AGAP1: variants seen among roughly 807,000 people sequenced by gnomAD.
The protein encoded by AGAP1 is arf-GAP with GTPase, ANK repeat and PH domain-containing protein 1.
Under a neutral mutation model 105.3 loss-of-function variants are expected in AGAP1, and 29 were observed. The observed-to-expected ratio is 0.28, with a 90% CI of 0.21 to 0.38. The LOEUF is 0.38. AGAP1 is among the 10% of genes least tolerant of loss of function. AGAP1 has a pLI of 1.00. For missense variants in AGAP1, 998 were observed against 1,165.1 expected, an observed-to-expected ratio of 0.86 and a Z score of 2.09; for synonymous variants, 509 against 485.9, an observed-to-expected ratio of 1.05 and a Z score of -0.63.
intron 1 of AGAP1, among the ~76,000 whole-genome samples, chr2:235,643,897 T>C (rs4663208): frequency 0.74 from 112,517 of 152,096 alleles, 41,902 homozygotes; most frequent in African/African-American, 0.83. Flanking sequence ...TTGGTTCTTC[T>C]GTGTCCTGTG....
chr2:236,099,044 C>T (rs2059269544), intron 16 of AGAP1, among the ~76,000 whole-genome samples: 1 of 151,900 alleles, frequency 6.6e-6, no homozygotes, highest in Non-Finnish European at 1.5e-5. Context: ...ACCTCCCCAG[C>T]GGGGGAGCCA....
chr2:235,796,763 C>T (rs1181543598), intron 6 of AGAP1, among the ~76,000 whole-genome samples: 2 of 152,096 alleles, frequency 1.3e-5, no homozygotes, highest in African/African-American at 2.4e-5. Flanking sequence ...TGGACATCTT[C>T]GAAAATAGCA....
At chr2:235,794,662 G>A (rs895822365) in intron 6 of AGAP1, among the ~76,000 whole-genome samples, 1 of 152,028 alleles carries the variant, frequency 6.6e-6, no homozygotes, top group African/African-American at 2.4e-5. Context: ...AGTAGAGACG[G>A]GATTTCACCA....
rs145205235 is a variant in AGAP1, at chr2:236,003,620, T to G, written c.1646-32941T>G. Among the ~76,000 whole-genome samples, 2 of 152,232 alleles carry G rather than the reference T, an allele frequency of 1.3e-5. No individual in the cohort carries two copies. Among genetic ancestry groups the G allele is most frequent in the Admixed American group, 1.3e-4 (2 of 15,296 alleles). On this transcript the variant is annotated intron_variant, in intron 13 of 17. Coordinates refer to ENST00000304032, the MANE Select transcript of AGAP1 (RefSeq NM_001037131.3). This position sits in a 1 kb window ranked among gnomAD's most constrained non-coding sequence, Gnocchi z 4.2. ...CATCCAAGCTCCCTCCACCCCACAC[T>G]CTCCCTTGGATTTGCGCCTGTTCTT...
At chr2:235,987,108 G>GTTATTCAT (rs945724586) in intron 13 of AGAP1, among the ~76,000 whole-genome samples, 1 of 147,692 alleles carries the variant, frequency 6.8e-6, no homozygotes, top group African/African-American at 2.5e-5. Flanking sequence ...GCTTTTTATT[G>GTTATTCAT]TTATTTATTT....
intron 1 of AGAP1, among the ~76,000 whole-genome samples, chr2:235,546,217 C>T (rs548318271): frequency 5.9e-5 from 9 of 152,204 alleles, no homozygotes; most frequent in African/African-American, 1.9e-4. Flanking sequence ...GTTGTTCATC[C>T]GAGCCCAAGG....
intron 1 of AGAP1, among the ~76,000 whole-genome samples, chr2:235,561,730 G>C (rs1184430207): frequency 6.6e-6 from 1 of 152,164 alleles, no homozygotes; most frequent in Non-Finnish European, 1.5e-5. Flanking sequence ...ACCTTTTGTG[G>C]ATTAGAACTG....
intron 6 of AGAP1, among the ~76,000 whole-genome samples, chr2:235,775,184 C>A (rs1476478916): frequency 1.3e-5 from 2 of 152,152 alleles, no homozygotes; most frequent in Non-Finnish European, 1.5e-5. Context: ...CAGGAACCAA[C>A]CAGTGATGAG....
intron 13 of AGAP1, among the ~76,000 whole-genome samples, chr2:236,008,222 C>T (rs1460589483): frequency 6.6e-6 from 1 of 152,168 alleles, no homozygotes; most frequent in Non-Finnish European, 1.5e-5. Context: ...GGCCCAACCA[C>T]ACCCAAGGCC....
intron 1 of AGAP1, among the ~76,000 whole-genome samples, chr2:235,704,969 CTTTTTTTT>C (rs969370505): frequency 8.4e-5 from 5 of 59,732 alleles, no homozygotes; most frequent in East Asian, 9.3e-4. Context: ...ATGCTTTTTT[CTTTTTTTT>C]TTTTTTTTTT....
Position 235,552,547 on chromosome 2 carries a change from C to T in AGAP1, c.163+57698C>T, listed in dbSNP as rs1002607228. ...TCATTCACACCTGGATTCAGTTGCC[C>T]TCATGAGCTCACCCGCAATGTGTGT... On this transcript the variant is annotated intron_variant, in intron 1 of 17. Transcript: ENST00000304032. This position sits in a 1 kb window ranked among gnomAD's most constrained non-coding sequence, Gnocchi z 5.9. 6.6e-6 allele frequency among the ~76,000 whole-genome samples: 1 copy of T among 152,136 alleles called. No individual in the cohort carries two copies. Among genetic ancestry groups the T allele is most frequent in the Non-Finnish European group, 1.5e-5 (1 of 68,028 alleles).
In AGAP1 at chr2:235,845,313, A is replaced by G. The variant is rs576121505; in HGVS notation, c.1050+37982A>G. 4.6e-5 allele frequency among the ~76,000 whole-genome samples: 7 copies of G among 152,284 alleles called. No individual in the cohort carries two copies. In the South Asian group the frequency reaches 1.0e-3, roughly 23 times the overall value. Reference sequence around the variant, plus strand: ...CTGTAACTAATCCAGCTCAGACCACATGTATGGTGTGCTCAGGGGACCCCC... The same window carrying G: ...CTGTAACTAATCCAGCTCAGACCACGTGTATGGTGTGCTCAGGGGACCCCC... On this transcript the variant is annotated intron_variant, in intron 9 of 17. Transcript: ENST00000304032. This position sits in a 1 kb window ranked among gnomAD's most constrained non-coding sequence, Gnocchi z 4.8.
intron 16 of AGAP1, among the ~76,000 whole-genome samples, chr2:236,116,367 TGA>T (rs749503501): frequency 1.3e-5 from 2 of 150,530 alleles, no homozygotes; most frequent in Admixed American, 6.6e-5. Flanking sequence ...CTTTTTTTTT[TGA>T]GAGAGAGTTT....
chr2:235,869,555 C>G (rs564140436), intron 9 of AGAP1, among the ~76,000 whole-genome samples: 6 of 151,824 alleles, frequency 4.0e-5, no homozygotes, highest in Admixed American at 2.6e-4. Flanking sequence ...GAGCCAAGAT[C>G]GCGCCACTGC....
chr2:235,978,577 A>C (rs2054955797), intron 13 of AGAP1, among the ~76,000 whole-genome samples: 1 of 152,180 alleles, frequency 6.6e-6, no homozygotes, highest in Non-Finnish European at 1.5e-5. Flanking sequence ...AAGTTGAGTA[A>C]TTTGCCCAAG....
intron 12 of AGAP1, among the ~76,000 whole-genome samples, chr2:235,952,681 G>A (rs1348641230): frequency 6.6e-6 from 1 of 152,136 alleles, no homozygotes; most frequent in Non-Finnish European, 1.5e-5. Flanking sequence ...GCCTCCCCCT[G>A]AGTGGCCCTG....
rs1233142380 is a variant in AGAP1 at position 235,559,190 on chromosome 2, G to C, written c.163+64341G>C. ...GATCCTCGCACCTCAGCTTCCCAAA[G>C]TGCTGGGATTATAGGCCTGAGCTGC... On this transcript the variant is annotated intron_variant, in intron 1 of 17. Coordinates refer to ENST00000304032, the MANE Select transcript of AGAP1 (RefSeq NM_001037131.3). The surrounding 1 kb of genome is among the most constrained non-coding windows in gnomAD (Gnocchi z 5.7). Among the ~76,000 whole-genome samples, 1 of 152,214 alleles carries C rather than the reference G, an allele frequency of 6.6e-6. No individual in the cohort carries two copies. The highest frequency in any genetic ancestry group is 2.4e-5 in the African/African-American group (1 of 41,448).
At chr2:235,616,003 A>T (rs780362313) in intron 1 of AGAP1, among the ~76,000 whole-genome samples, 61 of 152,252 alleles carry the variant, frequency 4.0e-4, no homozygotes, top group Non-Finnish European at 7.2e-4. Context: ...AAAAGAAGAA[A>T]CAAAGGAGCA....
chr2:235,759,966 T>C (rs1362667440), intron 6 of AGAP1, among the ~76,000 whole-genome samples: 2 of 152,086 alleles, frequency 1.3e-5, no homozygotes, highest in African/African-American at 4.8e-5. Context: ...AGAAAAAAAT[T>C]AGTTTGGGTT....
Sources: gnomAD v4.1 joint callset for allele counts (sites outside exome capture counted in the v4.1 genomes callset) on GRCh38, gnomAD v4.1.1 for gene constraint, Gnocchi (gnomAD v3.1) non-coding constraint, MANE v1.5 for transcripts, NCBI Gene and HGNC (gene_info 2026-07-23, HGNC 2026-07-21) for gene names.